The following USP22 variants were observed in gnomAD, a reference collection of about 807,000 sequenced individuals.
USP22 encodes the protein ubiquitin carboxyl-terminal hydrolase 22.
A neutral mutation model predicts 68.1 loss-of-function variants in USP22; 22 were observed. The observed-to-expected ratio is 0.32, with a 90% CI of 0.23 to 0.46. The LOEUF (loss-of-function observed/expected upper bound fraction) is 0.46, where lower values mean the gene tolerates loss of function less well. Ranked by LOEUF, USP22 falls within the 20% of genes least tolerant of loss-of-function variation. The pLI is 1.00. For missense variants in USP22, 433 were observed against 695.8 expected (o/e 0.62, Z 4.25); for synonymous variants, 279 against 274.2 (o/e 1.02, Z -0.17).
At chr17:21,029,357 G>C (rs573207971) in intron 1 of USP22, among the ~76,000 whole-genome samples, 2 of 152,270 alleles carry the variant, frequency 1.3e-5, no homozygotes, top group East Asian at 3.9e-4. Flanking sequence ...TTTATACTGA[G>C]TTTTAAAAGA....
rs973995506 is a variant in USP22, at chr17:21,043,001, G to T, written c.-166C>A. On this transcript the variant is annotated 5_prime_UTR_variant, in exon 1 of 13. Coordinates refer to ENST00000261497, the MANE Select transcript of USP22 (RefSeq NM_015276.2). ...GATGGGGCTGCGCGATCGCCGAGGG[G>T]AGGCTGCAAGGCAGGCACCGCCCCC... The T allele has an allele frequency of 1.4e-5, 5 of 348,006 alleles. No individual in the cohort carries two copies. The highest frequency in any genetic ancestry group is 2.5e-5 in the Non-Finnish European group (5 of 201,370). The allele number at this position is 348,006 out of a possible 1,614,324, so 21.6% of individuals were successfully genotyped here. A position where few individuals can be genotyped will look rare whatever the true frequency, so the allele number is the denominator to read the frequency against.
chr17:21,031,817 G>A (rs560177308), intron 1 of USP22, among the ~76,000 whole-genome samples: 75 of 152,266 alleles, frequency 4.9e-4, no homozygotes, highest in Middle Eastern at 3.4e-3. Flanking sequence ...TCCCCTGCAC[G>A]GGTTTACCAA....
At chr17:21,039,826 TGA>T (rs1216085597) in intron 1 of USP22, among the ~76,000 whole-genome samples, 1 of 152,224 alleles carries the variant, frequency 6.6e-6, no homozygotes, top group Non-Finnish European at 1.5e-5. Flanking sequence ...AAGTTTGTTT[TGA>T]GATAGGTTTT....
At chr17:21,007,814 G>A (rs915977645) in intron 9 of USP22, 56 bp downstream of exon 9, 38 of 1,609,370 alleles carry the variant, frequency 2.4e-5, no homozygotes, top group Non-Finnish European at 3.0e-5. Flanking sequence ...GCTGAGGACC[G>A]TACTGTGGAC....
At chr17:21,026,302 G>A (rs1355047851) in intron 2 of USP22, among the ~76,000 whole-genome samples, 2 of 152,104 alleles carry the variant, frequency 1.3e-5, no homozygotes, top group Admixed American at 6.6e-5. Context: ...GAAGATACAG[G>A]TATGTTTTGC....
rs151062130 is a variant in USP22 at position 21,032,166 on chromosome 17, C to T, written c.172-3492G>A. On this transcript the variant is annotated intron_variant, in intron 1 of 12. Coordinates refer to ENST00000261497, the MANE Select transcript of USP22 (RefSeq NM_015276.2). ...AGTGTTCAGTACGGTACGTGCTGTA[C>T]AGGTTTGCTGCCTAGGAGCAACAGG... 3.5e-4 allele frequency among the ~76,000 whole-genome samples: 54 copies of T among 152,332 alleles called. 2 individuals carry two copies. Among genetic ancestry groups the T allele is most frequent in the African/African-American group, 1.3e-3 (52 of 41,562 alleles).
chr17:21,004,807 AGCCAAGCG>A (rs2143510775), intron 11 of USP22, 113 bp downstream of exon 11: 8 of 688,442 alleles, frequency 1.2e-5, no homozygotes, highest in Admixed American at 3.2e-5. Flanking sequence ...AGCTGCGGGC[AGCCAAGCG>A]GGAAGCAGGT....
At chr17:21,023,085 C>T (rs1411294360) in intron 2 of USP22, among the ~76,000 whole-genome samples, 1 of 152,078 alleles carries the variant, frequency 6.6e-6, no homozygotes, top group Non-Finnish European at 1.5e-5. Flanking sequence ...AACAGAAAAA[C>T]CAAATACCAC....
At chr17:21,028,783 A>G (rs1597698970) in intron 1 of USP22, 109 bp from the exon 2 acceptor site, 1 of 1,361,390 alleles carries the variant, frequency 7.3e-7, no homozygotes, top group East Asian at 2.5e-5. Context: ...AAGAAAGGAC[A>G]GGGAATTCCA....
chr17:21,006,999 G>C lies in USP22; in HGVS notation c.1231-12C>G. The C allele has an allele frequency of 6.3e-7, 1 of 1,588,256 alleles. No individual in the cohort carries two copies. The highest frequency in any genetic ancestry group is 8.6e-7 in the Non-Finnish European group (1 of 1,165,832). On this transcript the variant is annotated splice_polypyrimidine_tract_variant and intron_variant, in intron 9 of 12. Transcript: ENST00000261497. ...GAGTGTTCAAATCGCTGCAGAAATA[G>C]GAAGGGGACAGAGGGAAGAGGAAAG... is the stretch of plus-strand genomic sequence containing the variant.
At chr17:21,012,424 C>G (rs190427843) in intron 7 of USP22, among the ~76,000 whole-genome samples, 3 of 152,204 alleles carry the variant, frequency 2.0e-5, no homozygotes, top group Admixed American at 6.5e-5. Context: ...GAAAATGGAA[C>G]CAGAAACCAT....
intron 1 of USP22, among the ~76,000 whole-genome samples, chr17:21,041,128 C>T (rs1278850657): frequency 1.3e-5 from 2 of 151,716 alleles, no homozygotes; most frequent in Admixed American, 6.6e-5. Flanking sequence ...CGTGATCTGC[C>T]CCCCTCGGCC....
In USP22 at chr17:21,028,624, A is replaced by G. The variant is rs1316393122; in HGVS notation, c.222T>C (p.His74=). Residue 74 remains histidine (H), a synonymous_variant, in exon 2 of 13, where the codon CAT becomes CAC. Coordinates refer to ENST00000261497, the MANE Select transcript of USP22 (RefSeq NM_015276.2). ...HVCGVHLNRL[H]SCLYCVFFGC... ...CGAAGAAGACACAGTAGAGGCAGGA[A>G]TGCAGCCTGTTGAGGTGGACGCCAC... 2.5e-6 allele frequency: 4 copies of G among 1,614,116 alleles called. No homozygotes were observed. Among genetic ancestry groups the G allele is most frequent in the Non-Finnish European group, 3.4e-6 (4 of 1,180,014 alleles).
chr17:21,015,581 G>A, intron 6 of USP22, 171 bp downstream of exon 6: 1 of 947,062 alleles, frequency 1.1e-6, no homozygotes, highest in Non-Finnish European at 1.5e-6. Flanking sequence ...CCTCTCTGAG[G>A]TCATTAGTTA....
chr17:21,029,706 A>T (rs1257746048), intron 1 of USP22, among the ~76,000 whole-genome samples: 7 of 152,230 alleles, frequency 4.6e-5, no homozygotes, highest in African/African-American at 1.7e-4. Context: ...TTACTCCACC[A>T]CAGAAAGGAG....
Position 21,002,762 on chromosome 17 carries a change from G to A in USP22, c.*269C>T, listed in dbSNP as rs1163402616. The A allele has an allele frequency of 2.3e-6, 1 of 427,770 alleles. No homozygotes were observed. Among genetic ancestry groups the A allele is most frequent in the Non-Finnish European group, 4.4e-6 (1 of 227,358 alleles). 26.5% of individuals were successfully genotyped at this position (427,770 alleles called of 1,614,324 possible). ...ACCCCCATGTCATGACACAAGAGAT[G>A]TTCTGGTGACGGGTGTACGCTGCTC... On this transcript the variant is annotated 3_prime_UTR_variant, in exon 13 of 13. Coordinates refer to ENST00000261497, the MANE Select transcript of USP22 (RefSeq NM_015276.2).
At chr17:21,030,380 GTGTGTGTA>G (rs778646191) in intron 1 of USP22, among the ~76,000 whole-genome samples, 55 of 149,880 alleles carry the variant, frequency 3.7e-4, no homozygotes, top group African/African-American at 6.6e-4. Flanking sequence ...GTGTGTGTGT[GTGTGTGTA>G]TGTATGTATG....
intron 2 of USP22, among the ~76,000 whole-genome samples, chr17:21,026,776 G>A (rs1207948896): frequency 7.9e-5 from 12 of 151,012 alleles, no homozygotes; most frequent in African/African-American, 2.2e-4. Flanking sequence ...ACTAGCCTAC[G>A]CAACATAGTG....
intron 1 of USP22, 106 bp downstream of exon 1, chr17:21,042,559 A>T: frequency 8.9e-7 from 1 of 1,129,872 alleles, no homozygotes; most frequent in Non-Finnish European, 1.1e-6. Flanking sequence ...GGACAGGGAA[A>T]GGCAACGGGG....
Sources: gnomAD v4.1 joint callset for allele counts (sites outside exome capture counted in the v4.1 genomes callset) on GRCh38, gnomAD v4.1.1 for gene constraint, MANE v1.5 for transcripts, NCBI Gene and HGNC (gene_info 2026-07-23, HGNC 2026-07-21) for gene names.